The following OSBPL9 variants were observed in gnomAD, a reference collection of about 807,000 sequenced individuals.
OSBPL9 encodes the protein oxysterol binding protein like 9.
In OSBPL9, 40 loss-of-function variants were observed where a neutral mutation model predicts 106.6. The observed-to-expected ratio is 0.38, with a 90% CI of 0.29 to 0.49. The LOEUF is 0.49. Ranked by LOEUF, OSBPL9 falls within the 20% of genes least tolerant of loss-of-function variation. The probability of loss-of-function intolerance (pLI) is 0.97; values close to 1 mark genes in which losing one functional copy is unlikely to be tolerated. For missense variants in OSBPL9, 609 were observed against 887.2 expected (o/e 0.69, Z 3.98); for synonymous variants, 269 against 295.4 (o/e 0.91, Z 0.92).
At chr1:51,726,695 G>A (rs1465920194) in intron 4 of OSBPL9, among the ~76,000 whole-genome samples, 3 of 152,018 alleles carry the variant, frequency 2.0e-5, no homozygotes, top group Non-Finnish European at 4.4e-5. Flanking sequence ...TCTGATTCAT[G>A]GGTTGGAAAT....
At chr1:51,762,741 G>A (rs565718978) in intron 11 of OSBPL9, among the ~76,000 whole-genome samples, 6 of 152,198 alleles carry the variant, frequency 3.9e-5, no homozygotes, top group East Asian at 1.9e-4. Flanking sequence ...TGTGACTTGC[G>A]TTTTTCCTTT....
intron 3 of OSBPL9, among the ~76,000 whole-genome samples, chr1:51,671,393 T>C (rs866157658): frequency 3.5e-4 from 54 of 152,224 alleles, no homozygotes; most frequent in African/African-American, 1.3e-3. Context: ...GAAGTTTTTA[T>C]TGAATACACC....
At chr1:51,692,051 C>G (rs540585191) in intron 3 of OSBPL9, among the ~76,000 whole-genome samples, 4 of 152,184 alleles carry the variant, frequency 2.6e-5, no homozygotes, top group African/African-American at 7.2e-5. Context: ...CTCACACTTA[C>G]AATCCCAGCA....
chr1:51,663,069 C>A (rs1360949000), intron 2 of OSBPL9, among the ~76,000 whole-genome samples: 1 of 152,058 alleles, frequency 6.6e-6, no homozygotes, highest in Non-Finnish European at 1.5e-5. Flanking sequence ...TGTATACTAA[C>A]AACTGGCAAT....
Position 51,702,960 on chromosome 1 carries a change from G to A in OSBPL9, c.242-11043G>A, listed in dbSNP as rs147411836. 5.7e-3 allele frequency among the ~76,000 whole-genome samples: 869 copies of A among 152,264 alleles called. 2 individuals carry two copies. Among genetic ancestry groups the A allele is most frequent in the African/African-American group, 0.02 (825 of 41,554 alleles). On this transcript the variant is annotated intron_variant, in intron 3 of 23. Coordinates refer to ENST00000428468, the MANE Select transcript of OSBPL9 (RefSeq NM_024586.6). ...TCAAAGATCAGTTAGTTGTAGATGT[G>A]TGGCATTATTTCTGAGGGCTCTGTT... is the stretch of plus-strand genomic sequence containing the variant.
At chr1:51,535,442 C>A in the OSBPL9 span, among the ~76,000 whole-genome samples, 2 of 152,054 alleles carry the variant, frequency 1.3e-5, no homozygotes, top group African/African-American at 4.8e-5. Flanking sequence ...ATCTTATGAC[C>A]CTGACTCTAT....
At chr1:51,787,628 C>T (rs1235929899) in intron 23 of OSBPL9, 87 bp from the exon 24 acceptor site, 3 of 1,581,974 alleles carry the variant, frequency 1.9e-6, no homozygotes, top group African/African-American at 1.3e-5. Context: ...AGTCTAATGG[C>T]GGGGTGGGGA....
At chr1:51,658,470 TAAAC>T (rs1315875743) in intron 2 of OSBPL9, among the ~76,000 whole-genome samples, 2 of 152,174 alleles carry the variant, frequency 1.3e-5, no homozygotes, top group African/African-American at 4.8e-5. Flanking sequence ...TGAATTATAT[TAAAC>T]AAAGTTTTAA....
In OSBPL9 at chr1:51,669,449, A is replaced by G; in HGVS notation, c.178A>G (p.Ile60Val). 1 of 1,614,080 alleles carries G rather than the reference A, an allele frequency of 6.2e-7. No individual in the cohort carries two copies. Among genetic ancestry groups the G allele is most frequent in the Non-Finnish European group, 8.5e-7 (1 of 1,179,966 alleles). Reference protein sequence around the residue: ...CVRLRGAVIGIDDEDDSTFTI... With the variant: ...CVRLRGAVIGVDDEDDSTFTI... ...TGTTTCACAGGGAGCTGTGATTGGT[A>G]TAGACGATGAGGACGACAGCACCTT... The change falls in exon 3 of 24, where the codon ATA becomes GTA. Residue 60 changes from isoleucine (I) to valine (V), a missense_variant. Ile to Val is a conservative substitution (Grantham distance 29). This residue lies in a region of OSBPL9 where 72 missense variants were observed against 140.5 expected (regional missense o/e 0.51). Coordinates refer to ENST00000428468, the MANE Select transcript of OSBPL9 (RefSeq NM_024586.6).
upstream of OSBPL9, chr1:51,617,085 G>A (rs1466653139): frequency 4.2e-6 from 6 of 1,444,592 alleles, no homozygotes; most frequent in African/African-American, 2.9e-5. Flanking sequence ...ACGTCAGGCC[G>A]TTTGTTGTCA....
At chr1:51,674,849 G>A (rs1650789037) in intron 3 of OSBPL9, among the ~76,000 whole-genome samples, 1 of 152,072 alleles carries the variant, frequency 6.6e-6, no homozygotes. Context: ...GGCCACATTG[G>A]AAGAAGAATT....
intron 3 of OSBPL9, among the ~76,000 whole-genome samples, chr1:51,678,293 A>C (rs1651760591): frequency 6.6e-6 from 1 of 152,374 alleles, no homozygotes; most frequent in East Asian, 1.9e-4. Flanking sequence ...TAAGCATTAA[A>C]AAATGTAATG....
intron 21 of OSBPL9, 51 bp downstream of exon 21, chr1:51,785,937 T>C (rs755422216): frequency 6.9e-7 from 1 of 1,459,610 alleles, no homozygotes; most frequent in Non-Finnish European, 9.5e-7. Context: ...GATTGTACTC[T>C]ATCCCTTTTT....
intron 2 of OSBPL9, among the ~76,000 whole-genome samples, chr1:51,664,727 GACTAA>G (rs1465096293): frequency 6.6e-6 from 1 of 151,992 alleles, no homozygotes; most frequent in Middle Eastern, 3.2e-3. Flanking sequence ...TTCAAAGACA[GACTAA>G]ACTAATTGTT....
chr1:51,656,371 C>T (rs1056232416), intron 2 of OSBPL9, among the ~76,000 whole-genome samples: 6 of 152,154 alleles, frequency 3.9e-5, no homozygotes, highest in Non-Finnish European at 8.8e-5. Flanking sequence ...GACTGCACTA[C>T]TGATCTTGCC....
chr1:51,753,346 C>T (rs542442237), intron 8 of OSBPL9, among the ~76,000 whole-genome samples: 80 of 152,240 alleles, frequency 5.3e-4, no homozygotes, highest in African/African-American at 1.8e-3. Flanking sequence ...TAATGTCTGT[C>T]TCTTACTGAT....
chr1:51,569,653 T>G, the OSBPL9 span: 2 of 152,300 alleles, frequency 1.3e-5, no homozygotes, highest in South Asian at 4.1e-4. Context: ...TGCTTGTGTT[T>G]TACTGAAAAC....
At chr1:51,528,768 G>T in the OSBPL9 span, among the ~76,000 whole-genome samples, 1 of 151,856 alleles carries the variant, frequency 6.6e-6, no homozygotes, top group Admixed American at 6.6e-5. Flanking sequence ...AGCTCCTCAG[G>T]GGGCTAACGT....
At chr1:51,523,761 C>T in the OSBPL9 span, among the ~76,000 whole-genome samples, 2 of 152,138 alleles carry the variant, frequency 1.3e-5, no homozygotes, top group African/African-American at 4.8e-5. Context: ...TCTTTCTATC[C>T]TACTCTAACT....
Sources: gnomAD v4.1 joint callset for allele counts (sites outside exome capture counted in the v4.1 genomes callset) on GRCh38, gnomAD v4.1.1 for gene constraint, gnomAD v4.1.1 regional missense constraint, MANE v1.5 for transcripts, NCBI Gene and HGNC (gene_info 2026-07-23, HGNC 2026-07-21) for gene names.